CCDC91: variants seen among roughly 807,000 people sequenced by gnomAD.
CCDC91 encodes the protein coiled-coil domain containing 91.
CCDC91 carries 48 observed loss-of-function variants against 63.2 expected under a neutral mutation model. The observed-to-expected ratio is 0.76, with a 90% CI of 0.60 to 0.97. The LOEUF (loss-of-function observed/expected upper bound fraction) is 0.97. CCDC91 is among the 50% of genes least tolerant of loss of function. CCDC91 has a pLI of 0.00. For missense variants in CCDC91, 500 were observed against 494.6 expected, an observed-to-expected ratio of 1.01 and a Z score of -0.10; for synonymous variants, 167 against 165.8, an observed-to-expected ratio of 1.01 and a Z score of -0.06.
chr12:28,539,472 G>T (rs1182058057), intron 12 of CCDC91, among the ~76,000 whole-genome samples: 3 of 152,148 alleles, frequency 2.0e-5, no homozygotes, highest in South Asian at 2.1e-4. Context: ...CTATATCTCT[G>T]TTTTGGTACC....
intron 1 of CCDC91, among the ~76,000 whole-genome samples, chr12:28,241,430 CA>C (rs1945327926): frequency 6.6e-6 from 1 of 152,096 alleles, no homozygotes; most frequent in Non-Finnish European, 1.5e-5. Flanking sequence ...GCCTTTCCCC[CA>C]AGTGGCAGCT....
intron 1 of CCDC91, among the ~76,000 whole-genome samples, chr12:28,225,096 G>A (rs941120039): frequency 3.3e-5 from 5 of 152,090 alleles, no homozygotes; most frequent in South Asian, 2.1e-4. Context: ...ACTACCTTGG[G>A]ATCTCTTCTC....
chr12:28,271,429 T>C (rs1005252574), intron 3 of CCDC91, among the ~76,000 whole-genome samples: 17 of 152,130 alleles, frequency 1.1e-4, no homozygotes, highest in Non-Finnish European at 2.4e-4. Context: ...GGCTATGATT[T>C]TCCCTCTGAT....
intron 8 of CCDC91, among the ~76,000 whole-genome samples, chr12:28,410,631 C>T (rs2139700149): frequency 6.6e-6 from 1 of 152,250 alleles, no homozygotes; most frequent in Non-Finnish European, 1.5e-5. Context: ...AAGCAGTTCT[C>T]CTGCCTCAGC....
chr12:28,288,864 G>C (rs146770548), intron 3 of CCDC91, among the ~76,000 whole-genome samples: 79 of 152,134 alleles, frequency 5.2e-4, no homozygotes, highest in Non-Finnish European at 9.7e-4. Flanking sequence ...TTGCGAGCTT[G>C]TTATTGATCT....
intron 1 of CCDC91, among the ~76,000 whole-genome samples, chr12:28,243,124 G>A (rs922141311): frequency 6.6e-6 from 1 of 152,146 alleles, no homozygotes; most frequent in African/African-American, 2.4e-5. Context: ...TAATACAGTG[G>A]GTTTACAGCA....
intron 6 of CCDC91, among the ~76,000 whole-genome samples, chr12:28,320,686 A>G (rs1366649761): frequency 6.6e-6 from 1 of 151,884 alleles, no homozygotes; most frequent in African/African-American, 2.4e-5. Flanking sequence ...TCTCAACCAG[A>G]CAGTTAACAT....
At chr12:28,246,048 G>A (rs1945709053) in intron 1 of CCDC91, among the ~76,000 whole-genome samples, 1 of 151,936 alleles carries the variant, frequency 6.6e-6, no homozygotes, top group African/African-American at 2.4e-5. Flanking sequence ...ATAAACTTTG[G>A]CATATAATTA....
chr12:28,485,724 A>C (rs1951691780), intron 12 of CCDC91, among the ~76,000 whole-genome samples: 1 of 152,186 alleles, frequency 6.6e-6, no homozygotes, highest in Non-Finnish European at 1.5e-5. Context: ...CTAAGGGGAA[A>C]ATTCTGGGCC....
intron 6 of CCDC91, among the ~76,000 whole-genome samples, chr12:28,341,665 A>G (rs1267453061): frequency 6.6e-6 from 1 of 152,146 alleles, no homozygotes; most frequent in Non-Finnish European, 1.5e-5. Flanking sequence ...TTTGAAAACT[A>G]TAGTTCTGTG....
intron 8 of CCDC91, among the ~76,000 whole-genome samples, chr12:28,444,582 A>G (rs1324464180): frequency 6.6e-6 from 1 of 152,200 alleles, no homozygotes; most frequent in Non-Finnish European, 1.5e-5. Context: ...GCAGGAATAG[A>G]ACACCAAATA....
intron 6 of CCDC91, among the ~76,000 whole-genome samples, chr12:28,326,158 T>C (rs2137543893): frequency 6.6e-6 from 1 of 152,206 alleles, no homozygotes. Flanking sequence ...ATTTGTTCTC[T>C]GTGCCATTAT....
chr12:28,251,481 TTTC>T (rs1946113510), intron 1 of CCDC91, among the ~76,000 whole-genome samples: 1 of 152,118 alleles, frequency 6.6e-6, no homozygotes, highest in Admixed American at 6.5e-5. Context: ...AAAGAAAAAC[TTTC>T]TTGAGTTTTT....
In CCDC91 at chr12:28,465,144, G is replaced by T. The variant is rs185721992; in HGVS notation, c.1101+12490G>T. ...CTCTACCTTTGGAAAGGGGAGGGAAGAGTGGGAAGGATTGTACCTTGGGGT... is the reference window on the plus strand; with the variant it reads ...CTCTACCTTTGGAAAGGGGAGGGAATAGTGGGAAGGATTGTACCTTGGGGT... On this transcript the variant is annotated intron_variant, in intron 11 of 12. Transcript: ENST00000536442. 1.3e-4 allele frequency among the ~76,000 whole-genome samples: 20 copies of T among 152,318 alleles called. No homozygotes were observed. In the East Asian group the frequency reaches 2.7e-3, roughly 21 times the overall value.
At chr12:28,243,470 C>T (rs3847682) in intron 1 of CCDC91, among the ~76,000 whole-genome samples, 138,809 of 152,226 alleles carry the variant, frequency 0.91, 64,522 homozygotes, top group East Asian at 1. Context: ...TAACATCAAA[C>T]AGGTAGCAAA....
At chr12:28,535,125 G>T (rs540695180) in intron 12 of CCDC91, among the ~76,000 whole-genome samples, 1 of 152,274 alleles carries the variant, frequency 6.6e-6, no homozygotes, top group East Asian at 1.9e-4. Context: ...TGTTTGGCAT[G>T]CATACATTTA....
At chr12:28,218,798 G>A (rs2135628607) in intron 1 of CCDC91, among the ~76,000 whole-genome samples, 1 of 151,674 alleles carries the variant, frequency 6.6e-6, no homozygotes, top group East Asian at 1.9e-4. Context: ...CTTTCATATT[G>A]TTGCATATAT....
At chr12:28,400,734 A>G (rs1399099770) in intron 8 of CCDC91, among the ~76,000 whole-genome samples, 1 of 152,092 alleles carries the variant, frequency 6.6e-6, no homozygotes, top group Non-Finnish European at 1.5e-5. Flanking sequence ...TAGATATGCT[A>G]AATCATCTCT....
At chr12:28,410,644 C>T (rs1947259855) in intron 8 of CCDC91, among the ~76,000 whole-genome samples, 1 of 152,068 alleles carries the variant, frequency 6.6e-6, no homozygotes, top group Admixed American at 6.6e-5. Flanking sequence ...GCCTCAGCCT[C>T]CTGAGTAGCT....
Sources: allele counts gnomAD v4.1 joint callset (sites outside exome capture counted in the v4.1 genomes callset), GRCh38; gene constraint gnomAD v4.1.1; transcripts MANE v1.5; gene names NCBI Gene and HGNC (gene_info 2026-07-23, HGNC 2026-07-21).